The following UBN2 variants were observed in gnomAD, a reference collection of about 807,000 sequenced individuals.
The protein encoded by UBN2 is ubinuclein 2.
In UBN2, 35 loss-of-function variants were observed where a neutral mutation model predicts 120.2. The observed-to-expected ratio is 0.29, with a 90% CI of 0.22 to 0.39. The LOEUF (loss-of-function observed/expected upper bound fraction) is 0.39. UBN2 is among the 10% of genes least tolerant of loss of function. The pLI is 1.00. For missense variants in UBN2, 1,693 were observed against 1,663.2 expected (o/e 1.02, Z -0.31); for synonymous variants, 661 against 648.7 (o/e 1.02, Z -0.29).
At chr7:139,253,762 A>C (rs1796682354) in intron 3 of UBN2, among the ~76,000 whole-genome samples, 1 of 152,264 alleles carries the variant, frequency 6.6e-6, no homozygotes. Flanking sequence ...TTGTCCATGT[A>C]CTAGAGTAAT....
At chr7:139,290,418 TTGTACTTAAG>T (rs1797920789) in intron 15 of UBN2, among the ~76,000 whole-genome samples, 1 of 152,184 alleles carries the variant, frequency 6.6e-6, no homozygotes, top group Non-Finnish European at 1.5e-5. Context: ...TGGTGAAGAT[TTGTACTTAAG>T]TGTAAGAGCA....
At chr7:139,255,106 A>G (rs1796722765) in intron 3 of UBN2, among the ~76,000 whole-genome samples, 1 of 152,182 alleles carries the variant, frequency 6.6e-6, no homozygotes, top group Non-Finnish European at 1.5e-5. Flanking sequence ...CTGCCTATTC[A>G]TTCCTCCTTC....
At chr7:139,315,852 G>A in the UBN2 span, among the ~76,000 whole-genome samples, 12 of 151,970 alleles carry the variant, frequency 7.9e-5, no homozygotes, top group East Asian at 1.4e-3. Context: ...AGAGGCAGGC[G>A]GATCACCTGA....
rs940515551 is a variant in UBN2, at chr7:139,244,906, T to C, written c.562-7050T>C. 2.6e-5 allele frequency among the ~76,000 whole-genome samples: 4 copies of C among 152,062 alleles called. 1 individual carries two copies. The highest frequency in any genetic ancestry group is 5.9e-5 in the Non-Finnish European group (4 of 68,010). On this transcript the variant is annotated intron_variant, in intron 2 of 17. Transcript: ENST00000473989. ...GAAACTCTTCTTGTTACCTTCTATATTAATAAATACTCTCTATCACAATTT... is the reference window on the plus strand; with the variant it reads ...GAAACTCTTCTTGTTACCTTCTATACTAATAAATACTCTCTATCACAATTT...
intron 6 of UBN2, among the ~76,000 whole-genome samples, chr7:139,264,355 T>A (rs1797028266): frequency 6.6e-6 from 1 of 152,176 alleles, no homozygotes; most frequent in Admixed American, 6.5e-5. Flanking sequence ...TTCAGCTGGA[T>A]CATTGACTGT....
chr7:139,242,021 T>C (rs1189012234), intron 2 of UBN2, among the ~76,000 whole-genome samples: 1 of 152,128 alleles, frequency 6.6e-6, no homozygotes, highest in Non-Finnish European at 1.5e-5. Context: ...AAGTCTTGAT[T>C]TTCTTTTGTA....
At chr7:139,280,835 G>T (rs534784709) in intron 13 of UBN2, among the ~76,000 whole-genome samples, 1 of 152,088 alleles carries the variant, frequency 6.6e-6, no homozygotes, top group African/African-American at 2.4e-5. Context: ...TAGCAGAGAC[G>T]GGGTTTCACC....
chr7:139,278,429 G>A (rs566146774), intron 12 of UBN2, among the ~76,000 whole-genome samples: 1 of 152,126 alleles, frequency 6.6e-6, no homozygotes, highest in South Asian at 2.1e-4. Context: ...TGATCCGCCT[G>A]CCTCAGCCCA....
At position 139,300,557 on chromosome 7, in the gene UBN2, A is replaced by G. The variant is rs1161750558; in HGVS notation, c.*2721A>G. 1.3e-5 allele frequency: 2 copies of G among 152,166 alleles called. No individual in the cohort carries two copies. The highest frequency in any genetic ancestry group is 4.8e-5 in the African/African-American group (2 of 41,442). The allele number at this position is 152,166 out of a possible 1,614,324, so 9.4% of individuals were successfully genotyped here. A position where few individuals can be genotyped will look rare whatever the true frequency, so the allele number is the denominator to read the frequency against. The stretch of plus-strand genomic sequence containing the variant: ...TTGCACTTAAAAATCAAATTATGTT[A>G]TTTTTTAAAATGGTGAGTCATTGGA... On this transcript the variant is annotated 3_prime_UTR_variant, in exon 18 of 18. Transcript: ENST00000473989.
At chr7:139,270,294 C>CA (rs1206089126) in intron 8 of UBN2, among the ~76,000 whole-genome samples, 3 of 133,004 alleles carry the variant, frequency 2.3e-5, no homozygotes, top group African/African-American at 8.5e-5. Context: ...TTTTTTGTGA[C>CA]AGAGTCTCGC....
At position 139,231,748 on chromosome 7, in the gene UBN2, G is replaced by A; in HGVS notation, c.264G>A (p.Arg88=). The A allele has an allele frequency of 8.2e-7, 1 of 1,214,394 alleles. No individual in the cohort carries two copies. The highest frequency in any genetic ancestry group is 3.4e-5 in the South Asian group (1 of 29,226). 75.2% of individuals were successfully genotyped at this position (1,214,394 alleles called of 1,614,324 possible). The stretch of plus-strand genomic sequence containing the variant: ...CCGAGCCGCCCATGTCGCTGCAGCG[G>A]GAGCCCCCGCGGCCCGAGCCGCCGC... The part of the protein sequence containing the change: ...SRAEPPMSLQ[R]EPPRPEPPPP... The change falls in exon 1 of 18, where the codon CGG becomes CGA. Residue 88 remains arginine (R), a synonymous_variant. Transcript: ENST00000473989.
the UBN2 span, among the ~76,000 whole-genome samples, chr7:139,325,627 C>T: frequency 6.6e-6 from 1 of 152,160 alleles, no homozygotes; most frequent in Non-Finnish European, 1.5e-5. Flanking sequence ...AGTGCATGCA[C>T]ACGCATGTAT....
chr7:139,312,573 T>C (rs763885103), downstream of UBN2, among the ~76,000 whole-genome samples: 2 of 152,258 alleles, frequency 1.3e-5, no homozygotes, highest in African/African-American at 2.4e-5. Context: ...CATTAATCTC[T>C]TACCAGTTTT....
intron 10 of UBN2, 92 bp downstream of exon 10, chr7:139,273,502 G>A: frequency 1.1e-6 from 1 of 884,734 alleles, no homozygotes; most frequent in East Asian, 2.8e-5. Flanking sequence ...AAACTAGATT[G>A]GAAGCAACCA....
At chr7:139,310,528 TGGGAGGCCAA>T (rs999796402), downstream of UBN2, among the ~76,000 whole-genome samples, 2 of 152,164 alleles carry the variant, frequency 1.3e-5, no homozygotes, top group African/African-American at 4.8e-5. Flanking sequence ...CCCAGTACTT[TGGGAGGCCAA>T]GGGAGGCGGA....
intron 1 of UBN2, 131 bp downstream of exon 1, chr7:139,232,083 C>G (rs1584979173): frequency 1.3e-6 from 1 of 778,614 alleles, no homozygotes. Flanking sequence ...TGCGGGGGGC[C>G]GGGGCCGAGC....
In UBN2 at chr7:139,307,043, A is replaced by G. The variant is rs997850178; in HGVS notation, c.*9207A>G. 8 of 152,222 alleles carry G rather than the reference A, an allele frequency of 5.3e-5. No individual in the cohort carries two copies. The highest frequency in any genetic ancestry group is 1.9e-4 in the African/African-American group (8 of 41,460). The allele number at this position is 152,222 out of a possible 1,614,324, so 9.4% of individuals were successfully genotyped here. ...AAGGGAAAGACTTGTTTGGTAGCCC[A>G]AGGAAAAACAGGATGTATTTATACA... On this transcript the variant is annotated 3_prime_UTR_variant, in exon 18 of 18. Coordinates refer to ENST00000473989, the MANE Select transcript of UBN2 (RefSeq NM_173569.4).
intron 15 of UBN2, among the ~76,000 whole-genome samples, chr7:139,290,377 A>G (rs1797918421): frequency 6.6e-6 from 1 of 152,242 alleles, no homozygotes; most frequent in Non-Finnish European, 1.5e-5. Context: ...AGACAGGCAA[A>G]TAAGAAAAAC....
chr7:139,286,504 A>G (rs1231286882), intron 15 of UBN2, among the ~76,000 whole-genome samples: 1 of 152,126 alleles, frequency 6.6e-6, no homozygotes, highest in Non-Finnish European at 1.5e-5. Context: ...CCTGAAAGTA[A>G]TGTATGTTCA....
Sources: gnomAD v4.1 joint callset for allele counts (sites outside exome capture counted in the v4.1 genomes callset) on GRCh38, gnomAD v4.1.1 for gene constraint, MANE v1.5 for transcripts, NCBI Gene and HGNC (gene_info 2026-07-23, HGNC 2026-07-21) for gene names.